The following TRPM4 variants were observed in gnomAD, a reference collection of about 807,000 sequenced individuals.
The protein encoded by TRPM4 is calcium-activated non-selective cation channel 1.
TRPM4 carries 124 observed loss-of-function variants against 135.6 expected under a neutral mutation model. The ratio of observed to expected loss-of-function variants is 0.91; its 90% CI spans 0.79 to 1.06. The LOEUF is 1.06. Among genes scored for constraint, TRPM4 ranks in the 50% least tolerant of loss-of-function variants. TRPM4 has a pLI of 0.00. For missense variants in TRPM4, 1,658 were observed against 1,671.4 expected (o/e 0.99, Z 0.14); for synonymous variants, 745 against 705.6 (o/e 1.06, Z -0.88).
intron 3 of TRPM4, chr19:49,167,602 CTCTCTGGGTCTCTGTCCCATG>C: frequency 4.4e-6 from 1 of 225,062 alleles, no homozygotes; most frequent in African/African-American, 4.1e-5. Flanking sequence ...TCTGTCCCAT[CTCTCTGGGTCTCTGTCCCATG>C]TCTCTGGGTC....
chr19:49,200,300 G>T lies in TRPM4; in HGVS notation c.2646G>T (p.Arg882=). Residue 882 remains arginine, a splice_region_variant and synonymous_variant, in exon 18 of 25, where the codon CGG becomes CGT. Coordinates refer to ENST00000252826, the MANE Select transcript of TRPM4 (RefSeq NM_017636.4). ...CTTGTGGCATCTCCCCACACCCCAG[G>T]CTGACCCCGGGTTTGTACCACCTGG... ...LTCFLLGVGC[R]LTPGLYHLGR... 1 of 1,614,072 alleles carries T rather than the reference G, an allele frequency of 6.2e-7. No individual in the cohort carries two copies.
At chr19:49,189,126 TC>T (rs767534388) in intron 14 of TRPM4, 35 bp downstream of exon 14, 5 of 1,613,494 alleles carry the variant, frequency 3.1e-6, no homozygotes, top group Non-Finnish European at 4.2e-6. Context: ...CCAAACAGTC[TC>T]CAAGTGGACT....
chr19:49,166,069 C>T lies in TRPM4; in HGVS notation c.121C>T (p.Arg41Trp), dbSNP rs1028746202. ...GACCTTGTGCCAGTGTGGGCGCCCC[C>T]GGACCGCCCACCCCGCAGTGGCCAT... ...GGTLCQCGRPRTAHPAVAMED... is the reference protein window; with the variant it reads ...GGTLCQCGRPWTAHPAVAMED... The change falls in exon 3 of 25, where the codon CGG (arginine) becomes TGG (tryptophan). Residue 41 changes from arginine to tryptophan, a missense_variant. Physicochemically the swap from Arg to Trp is moderately radical, Grantham distance 101. This residue lies in a region of TRPM4 where 239 missense variants were observed against 240.1 expected (regional missense o/e 1.00). Transcript: ENST00000252826. 1.1e-5 allele frequency: 17 copies of T among 1,600,100 alleles called. No homozygotes were observed. The highest frequency in any genetic ancestry group is 1.4e-5 in the Non-Finnish European group (17 of 1,175,086).
In TRPM4 at chr19:49,210,392, C is replaced by A. The variant is rs982072766; in HGVS notation, c.3315C>A (p.Ala1105=). Residue 1105 remains alanine (A), a synonymous_variant, in exon 21 of 25, where the codon GCC becomes GCA. Coordinates refer to ENST00000252826, the MANE Select transcript of TRPM4 (RefSeq NM_017636.4). The surrounding 1 kb of genome is among the most constrained non-coding windows in gnomAD (Gnocchi z 4.1). ...RPRSPQPSSP[A]LEHFRVYLSK... is the part of the protein sequence containing the mutation. Reference sequence around the variant, plus strand: ...GGAGCCCCCAGCCGTCCTCCCCGGCCCTCGAGCATTTCCGTAAGAACAGAG... The same window carrying A: ...GGAGCCCCCAGCCGTCCTCCCCGGCACTCGAGCATTTCCGTAAGAACAGAG... 3.1e-6 allele frequency: 5 copies of A among 1,613,634 alleles called. No homozygotes were observed. Among genetic ancestry groups the A allele is most frequent in the Admixed American group, 1.7e-5 (1 of 60,006 alleles).
At chr19:49,170,851 G>A (rs1290040170) in intron 6 of TRPM4, among the ~76,000 whole-genome samples, 1 of 152,020 alleles carries the variant, frequency 6.6e-6, no homozygotes, top group East Asian at 1.9e-4. Flanking sequence ...GGAGGCCAAG[G>A]TGGGAGGATC....
rs781527826 is a variant in TRPM4 at position 49,171,724 on chromosome 19, C to A, written c.1005C>A (p.Ile335=). The A allele has an allele frequency of 6.2e-7, 1 of 1,613,176 alleles. No individual in the cohort carries two copies. Among genetic ancestry groups the A allele is most frequent in the Non-Finnish European group, 8.5e-7 (1 of 1,179,968 alleles). ...GGCAAGGCGAAGCCCGAGATCGAATCAGGCGTTTCTTTCCCAAAGGGGACC... is the reference window on the plus strand; with the variant it reads ...GGCAAGGCGAAGCCCGAGATCGAATAAGGCGTTTCTTTCCCAAAGGGGACC... The part of the protein sequence containing the change: ...GARQGEARDR[I]RRFFPKGDLE... Residue 335 remains isoleucine, a synonymous_variant, in exon 8 of 25, where the codon ATC becomes ATA. Coordinates refer to ENST00000252826, the MANE Select transcript of TRPM4 (RefSeq NM_017636.4). This position sits in a 1 kb window ranked among gnomAD's most constrained non-coding sequence, Gnocchi z 4.7.
intron 11 of TRPM4, 74 bp from the exon 12 acceptor site, chr19:49,183,003 CA>C (rs747524435): frequency 3.7e-6 from 6 of 1,601,816 alleles, no homozygotes; most frequent in Non-Finnish European, 5.1e-6. Flanking sequence ...GGGGCGTGGC[CA>C]AACCAGAGGC....
At chr19:49,200,881 T>A (rs754507606) in intron 19 of TRPM4, 96 bp downstream of exon 19, 22 of 1,338,430 alleles carry the variant, frequency 1.6e-5, no homozygotes, top group Middle Eastern at 5.0e-4. Flanking sequence ...TCTGTCTCTC[T>A]GAGTCTCTGT....
intron 17 of TRPM4, among the ~76,000 whole-genome samples, chr19:49,198,600 A>G (rs1256746270): frequency 6.7e-6 from 1 of 149,414 alleles, no homozygotes; most frequent in East Asian, 2.0e-4. Context: ...GTGAGCCAAG[A>G]TCATGCCACT....
At chr19:49,195,167 TCA>T (rs1968585189) in intron 16 of TRPM4, among the ~76,000 whole-genome samples, 1 of 152,216 alleles carries the variant, frequency 6.6e-6, no homozygotes, top group Non-Finnish European at 1.5e-5. Flanking sequence ...CTTGGTGTAC[TCA>T]CAGAATTGTG....
rs199577978 is a variant in TRPM4, at chr19:49,200,744, A to G, written c.2912A>G (p.Tyr971Cys). The G allele has an allele frequency of 1.8e-5, 29 of 1,614,012 alleles. No individual in the cohort carries two copies. The highest frequency in any genetic ancestry group is 1.0e-4 in the Admixed American group (6 of 60,000). The change falls in exon 19 of 25, where the codon TAC becomes TGC. Residue 971 changes from tyrosine (Y) to cysteine (C), a missense_variant. Physicochemically the swap from Tyr to Cys is radical, Grantham distance 194. Around this residue, in one of 3 missense-constraint regions of TRPM4, gnomAD observed 1,412 missense variants for 1,408.7 expected, o/e 1.00. Transcript: ENST00000252826. Reference protein sequence around the residue: ...SILRRVFYRPYLQIFGQIPQE... With the variant: ...SILRRVFYRPCLQIFGQIPQE... ...CTGCGCCGCGTCTTCTACCGTCCCT[A>G]CCTGCAGATCTTCGGGCAGATTCCC...
intron 3 of TRPM4, chr19:49,167,705 C>T (rs1445194025): frequency 2.1e-6 from 1 of 479,812 alleles, no homozygotes. Context: ...GGTCTCTGTC[C>T]CCATCTCTCT....
At position 49,210,712 on chromosome 19, in the gene TRPM4, G is replaced by T. The variant is rs530826004; in HGVS notation, c.3331G>T (p.Val1111Phe). ...TTTGACTCCGCCCGCCCCTGCAGGG[G>T]TTTACCTTTCTAAGGAAGCCGAGCG... Reference protein sequence around the residue: ...PSSPALEHFRVYLSKEAERKL... With the variant: ...PSSPALEHFRFYLSKEAERKL... Residue 1111 changes from valine to phenylalanine, a missense_variant and splice_region_variant, in exon 22 of 25, where the codon GTT (valine) becomes TTT (phenylalanine). Physicochemically the swap from Val to Phe is conservative, Grantham distance 50. Coordinates refer to ENST00000252826, the MANE Select transcript of TRPM4 (RefSeq NM_017636.4). The surrounding 1 kb of genome is among the most constrained non-coding windows in gnomAD (Gnocchi z 4.1). 1.9e-6 allele frequency: 3 copies of T among 1,614,154 alleles called. No homozygotes were observed. Among genetic ancestry groups the T allele is most frequent in the African/African-American group, 1.3e-5 (1 of 75,062 alleles).
At chr19:49,197,383 C>T (rs1968728469) in intron 17 of TRPM4, among the ~76,000 whole-genome samples, 2 of 122,604 alleles carry the variant, frequency 1.6e-5, no homozygotes, top group South Asian at 2.6e-4. Flanking sequence ...TCTTTTCTTT[C>T]TTTCTCTTTT....
chr19:49,163,633 A>G (rs1221916099), intron 2 of TRPM4, among the ~76,000 whole-genome samples: 4 of 152,154 alleles, frequency 2.6e-5, no homozygotes, highest in Non-Finnish European at 5.9e-5. Context: ...CTGGAACCAC[A>G]GGCGTGCACC....
chr19:49,203,370 G>A (rs570745018), intron 20 of TRPM4, among the ~76,000 whole-genome samples: 12 of 151,570 alleles, frequency 7.9e-5, no homozygotes, highest in East Asian at 5.8e-4. Flanking sequence ...TAGTAGAGAT[G>A]GGGTTTCACC....
chr19:49,176,282 C>G (rs927351170), intron 9 of TRPM4, among the ~76,000 whole-genome samples: 1 of 152,138 alleles, frequency 6.6e-6, no homozygotes, highest in African/African-American at 2.4e-5. Context: ...GGCTGGAGTG[C>G]AGTGGGACAA....
intron 16 of TRPM4, among the ~76,000 whole-genome samples, chr19:49,196,030 T>G (rs1243046100): frequency 2.6e-5 from 4 of 151,924 alleles, no homozygotes; most frequent in African/African-American, 9.7e-5. Flanking sequence ...GGCTAATTTT[T>G]GTATTTTTAG....
intron 12 of TRPM4, among the ~76,000 whole-genome samples, chr19:49,186,460 T>C (rs368815637): frequency 1.3e-5 from 2 of 152,188 alleles, no homozygotes; most frequent in East Asian, 1.9e-4. Context: ...AAAGCCCTTA[T>C]TCCCTCCAAG....
Sources: allele counts gnomAD v4.1 joint callset (sites outside exome capture counted in the v4.1 genomes callset), GRCh38; gene constraint gnomAD v4.1.1; regional missense constraint gnomAD v4.1.1; non-coding constraint Gnocchi (gnomAD v3.1); transcripts MANE v1.5; gene names NCBI Gene and HGNC (gene_info 2026-07-23, HGNC 2026-07-21).